Variants in CSMD1 observed in about 807,000 individuals in gnomAD.
CSMD1 encodes the protein CUB and Sushi multiple domains 1.
Under a neutral mutation model 417.5 loss-of-function variants are expected in CSMD1, and 213 were observed. The ratio of observed to expected loss-of-function variants is 0.51; its 90% CI spans 0.46 to 0.57. The LOEUF (loss-of-function observed/expected upper bound fraction) is 0.57, where lower values mean the gene tolerates loss of function less well. Among genes scored for constraint, CSMD1 ranks in the 20% least tolerant of loss-of-function variants. The pLI is 0.00. For missense variants in CSMD1, 6,923 were observed against 4,529.7 expected, an observed-to-expected ratio of 1.53 and a Z score of -15.17; for synonymous variants, 2,862 against 1,736.8, an observed-to-expected ratio of 1.65 and a Z score of -16.11.
intron 3 of CSMD1, among the ~76,000 whole-genome samples, chr8:4,221,061 A>C (rs918651134): frequency 6.6e-6 from 1 of 152,128 alleles, no homozygotes; most frequent in Non-Finnish European, 1.5e-5. Context: ...CGAAAAACCC[A>C]AACTTTAGTT....
At chr8:4,275,485 G>C (rs919739422) in intron 3 of CSMD1, among the ~76,000 whole-genome samples, 5 of 150,298 alleles carry the variant, frequency 3.3e-5, no homozygotes, top group African/African-American at 9.8e-5. Flanking sequence ...AGATCTCGTA[G>C]AGGGAGTGAT....
At chr8:4,004,863 G>C (rs1233526930) in intron 4 of CSMD1, among the ~76,000 whole-genome samples, 1 of 152,110 alleles carries the variant, frequency 6.6e-6, no homozygotes, top group East Asian at 1.9e-4. Flanking sequence ...TCCTGCCTCA[G>C]CCTCCCGAGT....
intron 1 of CSMD1, among the ~76,000 whole-genome samples, chr8:4,929,412 A>C (rs542881047): frequency 7.9e-5 from 12 of 152,336 alleles, no homozygotes; most frequent in Non-Finnish European, 1.8e-4. Context: ...ACAGATATTC[A>C]AGAAATAGGC....
intron 3 of CSMD1, among the ~76,000 whole-genome samples, chr8:4,041,677 A>G (rs941033015): frequency 2.0e-5 from 3 of 152,200 alleles, no homozygotes; most frequent in African/African-American, 7.2e-5. Flanking sequence ...AGCCAGAAAT[A>G]AAACAGAATT....
At chr8:3,505,058 T>C (rs964684890) in intron 10 of CSMD1, among the ~76,000 whole-genome samples, 5 of 151,760 alleles carry the variant, frequency 3.3e-5, no homozygotes, top group African/African-American at 1.2e-4. Context: ...GAGAATAAGC[T>C]AGTGAGAATT....
chr8:3,529,804 G>T (rs1352167351), intron 10 of CSMD1, among the ~76,000 whole-genome samples: 1 of 152,012 alleles, frequency 6.6e-6, no homozygotes, highest in African/African-American at 2.4e-5. Flanking sequence ...AATCCCTCCT[G>T]GAATTTTCCC....
At chr8:4,241,559 C>A (rs1802403224) in intron 3 of CSMD1, among the ~76,000 whole-genome samples, 1 of 152,142 alleles carries the variant, frequency 6.6e-6, no homozygotes, top group Non-Finnish European at 1.5e-5. Flanking sequence ...ATGCTTAGCA[C>A]AAAAGATGGA....
chr8:3,153,412 TTACTC>T (rs1436019686), intron 39 of CSMD1, among the ~76,000 whole-genome samples: 1 of 152,162 alleles, frequency 6.6e-6, no homozygotes, highest in Non-Finnish European at 1.5e-5. Context: ...TGCTTTCACT[TTACTC>T]TACGGATTCG....
chr8:4,835,896 C>G (rs532351163), intron 1 of CSMD1, among the ~76,000 whole-genome samples: 1 of 151,726 alleles, frequency 6.6e-6, no homozygotes, highest in East Asian at 1.9e-4. Flanking sequence ...CTCTTTTTCT[C>G]TTTTTGGAAA....
At chr8:3,278,845 C>A (rs1038283578) in intron 26 of CSMD1, 1 of 152,118 alleles carries the variant, frequency 6.6e-6, no homozygotes, top group Non-Finnish European at 1.5e-5. Context: ...TGGCTGGATT[C>A]GCCAGTGAGG....
At chr8:4,018,495 G>C (rs1047073100) in intron 4 of CSMD1, among the ~76,000 whole-genome samples, 3 of 152,194 alleles carry the variant, frequency 2.0e-5, no homozygotes, top group Non-Finnish European at 2.9e-5. Context: ...GGTGGAGGAA[G>C]GGGAGGCAGC....
chr8:3,513,046 T>C (rs1797143040), intron 10 of CSMD1, among the ~76,000 whole-genome samples: 1 of 152,152 alleles, frequency 6.6e-6, no homozygotes, highest in Admixed American at 6.5e-5. Flanking sequence ...TTTAGAATTT[T>C]CCACTTCTAA....
chr8:3,974,142 G>C (rs769096326), intron 5 of CSMD1, among the ~76,000 whole-genome samples: 1 of 152,022 alleles, frequency 6.6e-6, no homozygotes, highest in African/African-American at 2.4e-5. Flanking sequence ...TTGTGTGTGT[G>C]TGTCTACATG....
At chr8:3,599,642 T>C (rs545139280) in intron 8 of CSMD1, among the ~76,000 whole-genome samples, 2 of 152,358 alleles carry the variant, frequency 1.3e-5, no homozygotes, top group East Asian at 3.9e-4. Flanking sequence ...CTAGGTTTAT[T>C]CATCCTATGT....
chr8:3,579,625 A>T (rs1800297474), intron 9 of CSMD1, among the ~76,000 whole-genome samples: 1 of 152,206 alleles, frequency 6.6e-6, no homozygotes, highest in Non-Finnish European at 1.5e-5. Flanking sequence ...CACAGAGGCT[A>T]AGAACTTCCT....
intron 1 of CSMD1, among the ~76,000 whole-genome samples, chr8:4,768,338 G>A (rs748452967): frequency 2.0e-5 from 3 of 151,978 alleles, no homozygotes; most frequent in Non-Finnish European, 4.4e-5. Context: ...ACATGAGCCG[G>A]TACACAGAGG....
chr8:3,176,316 T>A (rs1023011913), intron 37 of CSMD1, among the ~76,000 whole-genome samples: 1 of 152,028 alleles, frequency 6.6e-6, no homozygotes, highest in Non-Finnish European at 1.5e-5. Flanking sequence ...TAAATTTAAT[T>A]CTGTAATTTA....
intron 1 of CSMD1, among the ~76,000 whole-genome samples, chr8:4,839,668 C>G (rs1315282159): frequency 1.3e-5 from 2 of 152,168 alleles, no homozygotes; most frequent in South Asian, 2.1e-4. Flanking sequence ...ACTAAGACAT[C>G]AGATTTCAGA....
At chr8:4,419,660 C>A (rs959880821) in intron 3 of CSMD1, among the ~76,000 whole-genome samples, 3 of 152,192 alleles carry the variant, frequency 2.0e-5, no homozygotes, top group South Asian at 4.1e-4. Context: ...CGTAAGAGGG[C>A]TATTAGTTTA....
Sources: gnomAD v4.1 joint callset for allele counts (sites outside exome capture counted in the v4.1 genomes callset) on GRCh38, gnomAD v4.1.1 for gene constraint, MANE v1.5 for transcripts, NCBI Gene and HGNC (gene_info 2026-07-23, HGNC 2026-07-21) for gene names.